C1orf105: variants seen among roughly 807,000 people sequenced by gnomAD.
C1orf105 encodes the protein chromosome 1 open reading frame 105.
A neutral mutation model predicts 20.8 loss-of-function variants in C1orf105; 17 were observed. That is an observed-to-expected ratio of 0.82 (90% CI 0.56 to 1.23). The LOEUF is 1.23. Ranked by LOEUF, C1orf105 falls within the 50% of genes most tolerant of loss-of-function variation. The pLI is 0.00. For synonymous variants in C1orf105, 72 were observed against 72.1 expected, an observed-to-expected ratio of 1.00 and a Z score of 0.01; for missense variants, 219 against 213.5, an observed-to-expected ratio of 1.03 and a Z score of -0.16.
chr1:172,467,851 T>A (rs1650171746), intron 6 of C1orf105, among the ~76,000 whole-genome samples: 1 of 152,226 alleles, frequency 6.6e-6, no homozygotes, highest in African/African-American at 2.4e-5. Context: ...CTGGAAAAAT[T>A]GAATATTAAC....
chr1:172,434,179 A>C (rs2071962488), intron 1 of C1orf105, among the ~76,000 whole-genome samples: 1 of 152,226 alleles, frequency 6.6e-6, no homozygotes, highest in African/African-American at 2.4e-5. Flanking sequence ...CCCACTGTCA[A>C]TATTAGACAG....
intron 1 of C1orf105, chr1:172,441,982 G>C: frequency 6.2e-7 from 1 of 1,614,150 alleles, no homozygotes; most frequent in African/African-American, 1.3e-5. Flanking sequence ...CTGCAACATG[G>C]GCCACAGGGC....
At chr1:172,452,584 T>A (rs1648771336) in intron 3 of C1orf105, among the ~76,000 whole-genome samples, 1 of 152,192 alleles carries the variant, frequency 6.6e-6, no homozygotes, top group Non-Finnish European at 1.5e-5. Context: ...GAAATATATT[T>A]CTCTGTTTCT....
At chr1:172,454,706 T>G (rs1558140959) in intron 3 of C1orf105, among the ~76,000 whole-genome samples, 2 of 151,194 alleles carry the variant, frequency 1.3e-5, no homozygotes, top group East Asian at 1.9e-4. Flanking sequence ...GCATTGCCTG[T>G]TTTTTTTTAC....
intron 2 of C1orf105, among the ~76,000 whole-genome samples, chr1:172,447,272 G>A (rs1321845222): frequency 6.6e-6 from 1 of 152,220 alleles, no homozygotes; most frequent in Non-Finnish European, 1.5e-5. Context: ...AGCCAAATAT[G>A]CTCAGAGTAA....
chr1:172,468,581 C>A lies in C1orf105; in HGVS notation c.539C>A (p.Thr180Lys), dbSNP rs1650235052. 1.1e-5 allele frequency: 18 copies of A among 1,613,362 alleles called. No homozygotes were observed. The highest frequency in any genetic ancestry group is 1.5e-5 in the Non-Finnish European group (18 of 1,179,586). ...SLPRKEPIGK[T>K]TRQ ...CCCAGAAAGGAACCAATAGGCAAGA[C>A]AACGAGGCAGTGAGCGGTAGGAGCT... is the stretch of plus-strand genomic sequence containing the variant. Residue 180 changes from threonine to lysine, a missense_variant, in exon 7 of 7, where the codon ACA becomes AAA. Thr to Lys is a moderately conservative substitution (Grantham distance 78). Transcript: ENST00000367727.
intron 1 of C1orf105, among the ~76,000 whole-genome samples, chr1:172,422,827 G>A (rs1470698523): frequency 1.3e-5 from 2 of 152,092 alleles, no homozygotes; most frequent in Non-Finnish European, 2.9e-5. Context: ...GGCCTTAAGT[G>A]AACATTGGCA....
chr1:172,421,057 C>T, intron 1 of C1orf105, 151 bp downstream of exon 1: 1 of 694,348 alleles, frequency 1.4e-6, no homozygotes, highest in Non-Finnish European at 2.4e-6. Flanking sequence ...GAAATAACAG[C>T]TGATGTTCAG....
chr1:172,422,819 C>T (rs888232207), intron 1 of C1orf105, among the ~76,000 whole-genome samples: 1 of 152,016 alleles, frequency 6.6e-6, no homozygotes. Flanking sequence ...AGCCCTTGGG[C>T]CTTAAGTGAA....
chr1:172,452,897 A>G, intron 3 of C1orf105: 1 of 1,486,966 alleles, frequency 6.7e-7, no homozygotes, highest in Non-Finnish European at 8.9e-7. Context: ...GAATGTGGAC[A>G]ATTCCCTCTC....
intron 1 of C1orf105, among the ~76,000 whole-genome samples, chr1:172,426,321 G>A (rs749809494): frequency 1.3e-5 from 2 of 151,874 alleles, no homozygotes; most frequent in Non-Finnish European, 2.9e-5. Context: ...TTTCCTCCTC[G>A]CTAAAACCCC....
At chr1:172,440,191 T>A (rs1315516646) in intron 1 of C1orf105, among the ~76,000 whole-genome samples, 2 of 152,174 alleles carry the variant, frequency 1.3e-5, no homozygotes, top group Non-Finnish European at 2.9e-5. Flanking sequence ...TTAACAAAAT[T>A]TCTGATTTGA....
intron 1 of C1orf105, among the ~76,000 whole-genome samples, chr1:172,439,970 C>T (rs1250930880): frequency 6.6e-6 from 1 of 152,222 alleles, no homozygotes; most frequent in East Asian, 1.9e-4. Context: ...TGGCCAGTGT[C>T]CTTGGATATA....
At chr1:172,430,886 C>A (rs1453792938) in intron 1 of C1orf105, among the ~76,000 whole-genome samples, 1 of 152,126 alleles carries the variant, frequency 6.6e-6, no homozygotes, top group Non-Finnish European at 1.5e-5. Flanking sequence ...ACTTTATTAT[C>A]ATATCTGTTA....
At chr1:172,447,104 C>T (rs1035514462) in intron 2 of C1orf105, among the ~76,000 whole-genome samples, 5 of 152,124 alleles carry the variant, frequency 3.3e-5, no homozygotes, top group Admixed American at 3.3e-4. Flanking sequence ...TTAAAAGCTC[C>T]TCATGTGGGC....
At chr1:172,437,132 T>C (rs1449079624) in intron 1 of C1orf105, among the ~76,000 whole-genome samples, 1 of 152,224 alleles carries the variant, frequency 6.6e-6, no homozygotes, top group African/African-American at 2.4e-5. Flanking sequence ...TTTACACTGC[T>C]GGTGGGAGTG....
intron 2 of C1orf105, 104 bp downstream of exon 2, chr1:172,445,262 T>C (rs1022006706): frequency 7.7e-6 from 7 of 907,576 alleles, no homozygotes; most frequent in Non-Finnish European, 1.0e-5. Context: ...ATTTGATCCA[T>C]TGAGAAACTC....
intron 1 of C1orf105, chr1:172,442,604 T>A (rs1002495123): frequency 6.2e-7 from 1 of 1,613,248 alleles, no homozygotes; most frequent in Non-Finnish European, 8.5e-7. Context: ...TTGGTGTTAG[T>A]CACAGGTTGA....
At chr1:172,462,139 A>T in intron 4 of C1orf105, 39 bp from the exon 5 acceptor site, 1 of 1,416,480 alleles carries the variant, frequency 7.1e-7, no homozygotes, top group Non-Finnish European at 9.9e-7. Flanking sequence ...ATCAAAATGC[A>T]GTTACAGGCA....
Sources: gnomAD v4.1 joint callset for allele counts (sites outside exome capture counted in the v4.1 genomes callset) on GRCh38, gnomAD v4.1.1 for gene constraint, MANE v1.5 for transcripts, NCBI Gene and HGNC (gene_info 2026-07-23, HGNC 2026-07-21) for gene names.